TXNL4A: variants seen among roughly 807,000 people sequenced by gnomAD.
The protein encoded by TXNL4A is thioredoxin like 4A, also known as thioredoxin-like protein 4A.
Under a neutral mutation model 14.6 loss-of-function variants are expected in TXNL4A, and 17 were observed. The ratio of observed to expected loss-of-function variants is 1.16; its 90% CI spans 0.80 to 1.74. The LOEUF (loss-of-function observed/expected upper bound fraction) is 1.74, where lower values mean the gene tolerates loss of function less well. TXNL4A is among the 40% of genes most tolerant of loss of function. The pLI is 0.00. For missense variants in TXNL4A, 74 were observed against 195.2 expected (o/e 0.38, Z 3.70); for synonymous variants, 83 against 70.6 (o/e 1.18, Z -0.88).
At chr18:80,001,648 C>A (rs1001257852) in intron 1 of TXNL4A, among the ~76,000 whole-genome samples, 17 of 152,200 alleles carry the variant, frequency 1.1e-4, no homozygotes, top group African/African-American at 3.9e-4. Flanking sequence ...CAAAGGAGGT[C>A]ATTTTGGAAC....
upstream of TXNL4A, among the ~76,000 whole-genome samples, chr18:79,992,390 T>C (rs1351920414): frequency 2.0e-5 from 3 of 152,180 alleles, no homozygotes; most frequent in Non-Finnish European, 4.4e-5. Flanking sequence ...TAGGGACTTA[T>C]GTACAGAAGC....
At chr18:80,019,926 A>G (rs2051837128) in intron 1 of TXNL4A, among the ~76,000 whole-genome samples, 1 of 152,176 alleles carries the variant, frequency 6.6e-6, no homozygotes, top group Non-Finnish European at 1.5e-5. Flanking sequence ...AGGTAAAGCC[A>G]GCAGAGGGAA....
chr18:80,013,537 C>T (rs1047593071), intron 1 of TXNL4A, among the ~76,000 whole-genome samples: 12 of 152,090 alleles, frequency 7.9e-5, no homozygotes, highest in African/African-American at 2.2e-4. Flanking sequence ...CAGGTTCAAA[C>T]GATTCTCCTG....
At chr18:80,023,150 C>A (rs2051861097) in intron 1 of TXNL4A, among the ~76,000 whole-genome samples, 1 of 152,162 alleles carries the variant, frequency 6.6e-6, no homozygotes, top group South Asian at 2.1e-4. Context: ...TCATTGAATG[C>A]AGAACAGGTG....
chr18:79,998,891 C>A (rs534501088), intron 1 of TXNL4A, among the ~76,000 whole-genome samples: 15 of 152,244 alleles, frequency 9.9e-5, no homozygotes, highest in African/African-American at 3.6e-4. Context: ...TGACTTCTCA[C>A]CCCAGGACAG....
chr18:79,984,154 A>G (rs1428861201), intron 1 of TXNL4A, among the ~76,000 whole-genome samples: 5 of 152,184 alleles, frequency 3.3e-5, no homozygotes, highest in Admixed American at 6.6e-5. Flanking sequence ...TTGTTTCTAC[A>G]AGATTCCTCA....
At chr18:79,977,363 C>T (rs2145058035) in intron 2 of TXNL4A, 1 of 531,394 alleles carries the variant, frequency 1.9e-6, no homozygotes, top group East Asian at 3.2e-5. Context: ...ACCTAGGTTT[C>T]CCCGCAAAGT....
intron 1 of TXNL4A, chr18:80,033,838 GCACACTGCC>G (rs1217093640): frequency 2.8e-4 from 4 of 14,172 alleles, no homozygotes; most frequent in Non-Finnish European, 5.5e-4. Flanking sequence ...CCCCCCGCCC[GCACACTGCC>G]CACCTGGCGT....
intron 1 of TXNL4A, among the ~76,000 whole-genome samples, chr18:79,999,818 G>A (rs1461709766): frequency 6.6e-6 from 1 of 152,192 alleles, no homozygotes; most frequent in Non-Finnish European, 1.5e-5. Flanking sequence ...CCCAGTGGGA[G>A]ATAATTGAAT....
intron 1 of TXNL4A, among the ~76,000 whole-genome samples, chr18:80,004,179 T>C (rs576390785): frequency 2.0e-5 from 3 of 151,464 alleles, no homozygotes; most frequent in African/African-American, 7.3e-5. Context: ...AAGGGATTCC[T>C]TGGGGCAGGG....
intron 1 of TXNL4A, 27 bp from the exon 2 acceptor site, chr18:79,977,728 G>A: frequency 7.8e-7 from 1 of 1,274,256 alleles, no homozygotes; most frequent in Non-Finnish European, 1.1e-6. Flanking sequence ...AAAAAAAACT[G>A]AAATAACAGA....
chr18:80,001,770 C>T (rs185645055), intron 1 of TXNL4A, among the ~76,000 whole-genome samples: 12 of 152,274 alleles, frequency 7.9e-5, no homozygotes, highest in South Asian at 2.1e-4. Context: ...AATGACTATA[C>T]CCCCATTGTA....
At chr18:80,013,758 A>G (rs944129453) in intron 1 of TXNL4A, among the ~76,000 whole-genome samples, 4 of 152,340 alleles carry the variant, frequency 2.6e-5, no homozygotes, top group South Asian at 4.1e-4. Flanking sequence ...TCTGTTAAAT[A>G]TTACACAAGG....
At chr18:79,989,581 G>C (rs913305024), upstream of TXNL4A, among the ~76,000 whole-genome samples, 1 of 152,158 alleles carries the variant, frequency 6.6e-6, no homozygotes, top group Non-Finnish European at 1.5e-5. Flanking sequence ...TCTAACCTCT[G>C]TTCTTCTGAG....
chr18:80,028,563 A>G (rs1224017391), intron 1 of TXNL4A, among the ~76,000 whole-genome samples: 1 of 149,056 alleles, frequency 6.7e-6, no homozygotes, highest in African/African-American at 2.5e-5. Context: ...CTAAAATAGA[A>G]TGGTATACAG....
At chr18:79,988,102 G>A (rs969979228) in intron 1 of TXNL4A, 138 bp downstream of exon 1, 1 of 1,075,486 alleles carries the variant, frequency 9.3e-7, no homozygotes, top group South Asian at 2.8e-5. Context: ...ACCGCAGCGA[G>A]GGGAGGAATC....
chr18:80,001,778 G>T (rs2051700043), intron 1 of TXNL4A, among the ~76,000 whole-genome samples: 1 of 152,164 alleles, frequency 6.6e-6, no homozygotes, highest in South Asian at 2.1e-4. Context: ...TACCCCCATT[G>T]TATCTAGGAA....
At chr18:79,981,011 T>C (rs1390551495) in intron 1 of TXNL4A, among the ~76,000 whole-genome samples, 3 of 152,224 alleles carry the variant, frequency 2.0e-5, no homozygotes, top group Admixed American at 2.0e-4. Flanking sequence ...TTTATTTTCA[T>C]GGTAAACTAA....
intron 1 of TXNL4A, among the ~76,000 whole-genome samples, chr18:80,008,085 T>A (rs2051744337): frequency 6.6e-6 from 1 of 152,086 alleles, no homozygotes; most frequent in African/African-American, 2.4e-5. Context: ...CCAGGAGGTC[T>A]GGGTTGTAAT....
Sources: gnomAD v4.1 joint callset for allele counts (sites outside exome capture counted in the v4.1 genomes callset) on GRCh38, gnomAD v4.1.1 for gene constraint, MANE v1.5 for transcripts, NCBI Gene and HGNC (gene_info 2026-07-23, HGNC 2026-07-21) for gene names.